Variants in KIF2B observed in about 807,000 individuals in gnomAD.
KIF2B encodes kinesin family member 2B.
Under a neutral mutation model 6.8 loss-of-function variants are expected in KIF2B, and 5 were observed. That is an observed-to-expected ratio of 0.74 (90% confidence interval 0.39 to 1.55). The LOEUF is 1.55. Among genes scored for constraint, KIF2B ranks in the 40% most tolerant of loss-of-function variants. KIF2B has a pLI of 0.03. For synonymous variants in KIF2B, 370 were observed against 330.7 expected, an observed-to-expected ratio of 1.12 and a Z score of -1.29; for missense variants, 908 against 831.3, an observed-to-expected ratio of 1.09 and a Z score of -1.13.
rs771043949 is a variant in KIF2B at position 53,824,219 on chromosome 17, T to A, written c.1186T>A (p.Cys396Ser). 6.2e-7 allele frequency: 1 copy of A among 1,614,122 alleles called. No individual in the cohort carries two copies. The highest frequency in any genetic ancestry group is 8.5e-7 in the Non-Finnish European group (1 of 1,180,014). ...VVGLQEKEVC[C>S]VEEVLNLVEI... ...CGGGCTGCAGGAGAAAGAGGTGTGT[T>A]GTGTGGAGGAAGTGCTGAACCTGGT... The change falls in exon 1 of 1, where the codon TGT becomes AGT. Residue 396 changes from cysteine (C) to serine (S), a missense_variant. Coordinates refer to ENST00000268919, the MANE Select transcript of KIF2B (RefSeq NM_032559.5).
Position 53,824,815 on chromosome 17 carries a change from G to C in KIF2B, c.1782G>C (p.Glu594Asp), listed in dbSNP as rs371789360. ...IPYVQSEEQKEIEEVETLPTL... is the reference protein window; with the variant it reads ...IPYVQSEEQKDIEEVETLPTL... ...ATGTACAGAGTGAGGAGCAGAAAGA[G>C]ATTGAAGAGGTTGAAACATTACCCA... The change falls in exon 1 of 1, where the codon GAG (glutamate) becomes GAC (aspartate). Residue 594 changes from glutamate (E) to aspartate (D), a missense_variant. Glu to Asp is a conservative substitution (Grantham distance 45, BLOSUM62 2). Transcript: ENST00000268919. 156 of 1,613,838 alleles carry C rather than the reference G, an allele frequency of 9.7e-5. No individual in the cohort carries two copies. The highest frequency in any genetic ancestry group is 1.2e-4 in the Non-Finnish European group (144 of 1,179,928).
rs751318038 is a variant in KIF2B at position 53,824,648 on chromosome 17, A to G, written c.1615A>G (p.Arg539Gly). The G allele has an allele frequency of 1.2e-6, 2 of 1,614,198 alleles. No homozygotes were observed. Among genetic ancestry groups the G allele is most frequent in the South Asian group, 2.2e-5 (2 of 91,090 alleles). ...NTLNTLRYAN[R>G]VKKLNVDVRP... ...TCTCAACACTTTAAGATATGCAAAC[A>G]GAGTAAAAAAATTAAATGTAGATGT... Residue 539 changes from arginine (R) to glycine (G), a missense_variant, in exon 1 of 1, where the codon AGA becomes GGA. By Grantham distance (125) the Arg-to-Gly change is moderately radical (BLOSUM62 -2). Transcript: ENST00000268919.
Position 53,824,477 on chromosome 17 carries a change from A to G in KIF2B, c.1444A>G (p.Ile482Val). The G allele has an allele frequency of 6.2e-7, 1 of 1,614,140 alleles. No homozygotes were observed. The highest frequency in any genetic ancestry group is 8.5e-7 in the Non-Finnish European group (1 of 1,180,030). ...GAGTCTTCTAGCCCTCAAAGAATGT[A>G]TTCTGGCTTTGGGTCAGAACAAGCC... ...NKSLLALKEC[I>V]LALGQNKPHT... The change falls in exon 1 of 1, where the codon ATT becomes GTT. Residue 482 changes from isoleucine to valine, a missense_variant. Transcript: ENST00000268919.
In KIF2B at chr17:53,823,896, T is replaced by G. The variant is rs1312228305; in HGVS notation, c.863T>G (p.Val288Gly). 5.0e-6 allele frequency: 8 copies of G among 1,614,100 alleles called. No homozygotes were observed. Among genetic ancestry groups the G allele is most frequent in the Middle Eastern group, 1.6e-4 (1 of 6,084 alleles). The change falls in exon 1 of 1, where the codon GTG becomes GGG. Residue 288 changes from valine (V) to glycine (G), a missense_variant. Coordinates refer to ENST00000268919, the MANE Select transcript of KIF2B (RefSeq NM_032559.5). ...LVYQFTAQPL[V>G]ESIFRKGMAT... ...TACCAGTTCACCGCCCAGCCACTGG[T>G]GGAGTCCATCTTCCGCAAGGGCATG...
rs1275391820 is a variant in KIF2B, at chr17:53,823,659, C to T, written c.626C>T (p.Pro209Leu). The change falls in exon 1 of 1, where the codon CCG becomes CTG. Residue 209 changes from proline to leucine, a missense_variant. Coordinates refer to ENST00000268919, the MANE Select transcript of KIF2B (RefSeq NM_032559.5). ...AGCAAGATCTCAGTCCTGGAGCCCC[C>T]GCAAGAACATCGCATCTGCGTCTGC... ...DSSKISVLEP[P>L]QEHRICVCVR... 1.2e-6 allele frequency: 2 copies of T among 1,614,010 alleles called. No individual in the cohort carries two copies. The highest frequency in any genetic ancestry group is 1.1e-5 in the South Asian group (1 of 91,082).
rs369648261 is a variant in KIF2B, at chr17:53,823,008, G to A, written c.-26G>A. ...GCTCCAACCCCAAGGGCCCTGGAGCGCTCCCTGATACCTCCATCACTCACC... is the reference window on the plus strand; with the variant it reads ...GCTCCAACCCCAAGGGCCCTGGAGCACTCCCTGATACCTCCATCACTCACC... On this transcript the variant is annotated 5_prime_UTR_variant, in exon 1 of 1. Coordinates refer to ENST00000268919, the MANE Select transcript of KIF2B (RefSeq NM_032559.5). 12 of 1,593,058 alleles carry A rather than the reference G, an allele frequency of 7.5e-6. No homozygotes were observed. Among genetic ancestry groups the A allele is most frequent in the African/African-American group, 1.3e-5 (1 of 74,596 alleles).
rs1906471717 is a variant in KIF2B, at chr17:53,823,673, ATCTGCG to A, written c.648_653del (p.Cys217_Val218del). 6.2e-7 allele frequency: 1 copy of A among 1,614,158 alleles called. No homozygotes were observed. Among genetic ancestry groups the A allele is most frequent in the Non-Finnish European group, 8.5e-7 (1 of 1,180,034 alleles). Reference sequence around the variant, plus strand: ...CCTGGAGCCCCCGCAAGAACATCGCATCTGCGTCTGCGTGAGGAAGCGGCCTCTCAA... The same window carrying A: ...CCTGGAGCCCCCGCAAGAACATCGCATCTGCGTGAGGAAGCGGCCTCTCAA... On this transcript the variant is annotated inframe_deletion, in exon 1 of 1. Transcript: ENST00000268919.
chr17:53,824,000 G>A lies in KIF2B; in HGVS notation c.967G>A (p.Asp323Asn), dbSNP rs1364750447. The change falls in exon 1 of 1, where the codon GAT (aspartate) becomes AAT (asparagine). Residue 323 changes from aspartate to asparagine, a missense_variant. Asp to Asn is a conservative substitution (Grantham distance 23, BLOSUM62 1). Coordinates refer to ENST00000268919, the MANE Select transcript of KIF2B (RefSeq NM_032559.5). ...TGGAGACTTTTCAGGAACGGCCCAA[G>A]ATTGTTCTAAGGGCATTTATGCTCT... ...MGGDFSGTAQ[D>N]CSKGIYALVA... 6.2e-7 allele frequency: 1 copy of A among 1,614,232 alleles called. No individual in the cohort carries two copies. Among genetic ancestry groups the A allele is most frequent in the Non-Finnish European group, 8.5e-7 (1 of 1,180,044 alleles).
chr17:53,824,804 GA>G lies in KIF2B; in HGVS notation c.1772del (p.Glu591GlyfsTer15). 6.2e-7 allele frequency: 1 copy of G among 1,613,980 alleles called. No individual in the cohort carries two copies. The highest frequency in any genetic ancestry group is 8.5e-7 in the Non-Finnish European group (1 of 1,179,938). Reference sequence around the variant, plus strand: ...TAAAATACCTTATGTACAGAGTGAGGAGCAGAAAGAGATTGAAGAGGTTGAA... The same window carrying G: ...TAAAATACCTTATGTACAGAGTGAGGGCAGAAAGAGATTGAAGAGGTTGAA... ...FIKIPYVQSEEQKEIEEVETL... is the reference protein window; with the variant it reads ...FIKIPYVQSEXQKEIEEVETL... On this transcript the variant is annotated frameshift_variant, in exon 1 of 1. Coordinates refer to ENST00000268919, the MANE Select transcript of KIF2B (RefSeq NM_032559.5). LOFTEE classifies it low-confidence loss of function (END_TRUNC).
At position 53,823,061 on chromosome 17, in the gene KIF2B, T is replaced by G; in HGVS notation, c.28T>G (p.Ser10Ala). 6.2e-7 allele frequency: 1 copy of G among 1,613,822 alleles called. No individual in the cohort carries two copies. The highest frequency in any genetic ancestry group is 1.1e-5 in the South Asian group (1 of 91,056). ...GGCCAGCCAGTTCTGCCTCCCTGAA[T>G]CCCCATGTCTCTCGCCCCTGAAACC... The part of the protein sequence containing the change: MASQFCLPE[S>A]PCLSPLKPLK... Residue 10 changes from serine (S) to alanine (A), a missense_variant, in exon 1 of 1, where the codon TCC becomes GCC. Transcript: ENST00000268919.
At position 53,823,838 on chromosome 17, in the gene KIF2B, G is replaced by T. The variant is rs1260071667; in HGVS notation, c.805G>T (p.Ala269Ser). ...LQNQTFCFDHAFDDKASNELV... is the reference protein window; with the variant it reads ...LQNQTFCFDHSFDDKASNELV... ...GAACCAGACCTTCTGCTTCGACCATGCCTTCGATGACAAAGCCTCCAACGA... is the reference window on the plus strand; with the variant it reads ...GAACCAGACCTTCTGCTTCGACCATTCCTTCGATGACAAAGCCTCCAACGA... The change falls in exon 1 of 1, where the codon GCC becomes TCC. Residue 269 changes from alanine (A) to serine (S), a missense_variant. Ala to Ser is a moderately conservative substitution (Grantham distance 99). Coordinates refer to ENST00000268919, the MANE Select transcript of KIF2B (RefSeq NM_032559.5). 1 of 1,614,230 alleles carries T rather than the reference G, an allele frequency of 6.2e-7. No homozygotes were observed. The highest frequency in any genetic ancestry group is 8.5e-7 in the Non-Finnish European group (1 of 1,180,052).
Position 53,823,113 on chromosome 17 carries a change from A to G in KIF2B, c.80A>G (p.Gln27Arg). 1 of 1,614,162 alleles carries G rather than the reference A, an allele frequency of 6.2e-7. No homozygotes were observed. The highest frequency in any genetic ancestry group is 8.5e-7 in the Non-Finnish European group (1 of 1,180,032). The change falls in exon 1 of 1, where the codon CAA (glutamine) becomes CGA (arginine). Residue 27 changes from glutamine (Q) to arginine (R), a missense_variant. Gln to Arg is a conservative substitution (Grantham distance 43). Transcript: ENST00000268919. ...TTGAAGCCACATTTCGGAGACATCC[A>G]AGAGGGCATCTACGTGGCGATCCAG... ...KPLKPHFGDIQEGIYVAIQRS... is the reference protein window; with the variant it reads ...KPLKPHFGDIREGIYVAIQRS...
chr17:53,823,167 TG>T lies in KIF2B; in HGVS notation c.136del (p.Val46SerfsTer13). 1 of 1,614,220 alleles carries T rather than the reference TG, an allele frequency of 6.2e-7. No individual in the cohort carries two copies. The highest frequency in any genetic ancestry group is 1.1e-5 in the South Asian group (1 of 91,092). ...AGTGACAAGCGGATCCACCTCGCTGTGGTCACGGAGATCAACAGAGAAAACT... is the reference window on the plus strand; with the variant it reads ...AGTGACAAGCGGATCCACCTCGCTGTGTCACGGAGATCAACAGAGAAAACT... Reference protein sequence around the residue: ...QRSDKRIHLAVVTEINRENYW... With the variant: ...QRSDKRIHLAXVTEINRENYW... On this transcript the variant is annotated frameshift_variant, in exon 1 of 1. Transcript: ENST00000268919. LOFTEE classifies it low-confidence loss of function (END_TRUNC).
Position 53,823,067 on chromosome 17 carries a change from T to G in KIF2B, c.34T>G (p.Cys12Gly). 6.8e-6 allele frequency: 11 copies of G among 1,614,086 alleles called. No individual in the cohort carries two copies. Among genetic ancestry groups the G allele is most frequent in the South Asian group, 1.1e-5 (1 of 91,080 alleles). ...ASQFCLPESP[C>G]LSPLKPLKPH... ...CCAGTTCTGCCTCCCTGAATCCCCA[T>G]GTCTCTCGCCCCTGAAACCCTTGAA... The change falls in exon 1 of 1, where the codon TGT (cysteine) becomes GGT (glycine). Residue 12 changes from cysteine (C) to glycine (G), a missense_variant. Cys to Gly is a radical substitution (Grantham distance 159, BLOSUM62 -3). Transcript: ENST00000268919.
rs768138818 is a variant in KIF2B, at chr17:53,823,444, C to G, written c.411C>G (p.Ser137Arg). Residue 137 changes from serine (S) to arginine (R), a missense_variant, in exon 1 of 1, where the codon AGC becomes AGG. Physicochemically the swap from Ser to Arg is moderately radical, Grantham distance 110. Coordinates refer to ENST00000268919, the MANE Select transcript of KIF2B (RefSeq NM_032559.5). ...ACAGCCTGGATGTGAGGGTCCCCAG[C>G]AAACCTTGTCTGATGAAGCAGAAAA... ...SGDSLDVRVP[S>R]KPCLMKQKKS... The G allele has an allele frequency of 5.6e-6, 9 of 1,614,044 alleles. No individual in the cohort carries two copies. Among genetic ancestry groups the G allele is most frequent in the Admixed American group, 1.7e-5 (1 of 59,996 alleles).
chr17:53,825,131 A>AAT lies in KIF2B; in HGVS notation c.*77_*78insTA, dbSNP rs2143788514. The AAT allele has an allele frequency of 1.0e-6, 1 of 971,166 alleles. No homozygotes were observed. Among genetic ancestry groups the AAT allele is most frequent in the Non-Finnish European group, 1.5e-6 (1 of 646,308 alleles). The allele number at this position is 971,166 out of a possible 1,614,324, so 60.2% of individuals were successfully genotyped here. ...CCACTCTTATACAGGAAAACTGTCC[A>AAT]AATTATCTAAAGATCCTCCTGAGAA... On this transcript the variant is annotated 3_prime_UTR_variant, in exon 1 of 1. Coordinates refer to ENST00000268919, the MANE Select transcript of KIF2B (RefSeq NM_032559.5).
rs1230980067 is a variant in KIF2B at position 53,824,190 on chromosome 17, T to C, written c.1157T>C (p.Val386Ala). 6.2e-7 allele frequency: 1 copy of C among 1,614,130 alleles called. No homozygotes were observed. The highest frequency in any genetic ancestry group is 8.5e-7 in the Non-Finnish European group (1 of 1,180,022). ...GAGGATGGCAATCAGCAAATCCAAG[T>C]GGTCGGGCTGCAGGAGAAAGAGGTG... ...VLEDGNQQIQ[V>A]VGLQEKEVCC... The change falls in exon 1 of 1, where the codon GTG becomes GCG. Residue 386 changes from valine to alanine, a missense_variant. Coordinates refer to ENST00000268919, the MANE Select transcript of KIF2B (RefSeq NM_032559.5).
Position 53,823,256 on chromosome 17 carries a change from A to T in KIF2B, c.223A>T (p.Thr75Ser). Residue 75 changes from threonine to serine, a missense_variant, in exon 1 of 1, where the codon ACC (threonine) becomes TCC (serine). Physicochemically the swap from Thr to Ser is moderately conservative, Grantham distance 58. Transcript: ENST00000268919. ...VKKGKKIDLETILLLNPALDS... is the reference protein window; with the variant it reads ...VKKGKKIDLESILLLNPALDS... ...AAAAGGCAAGAAGATTGACCTGGAG[A>T]CCATACTCCTGCTGAATCCAGCTCT... The T allele has an allele frequency of 6.2e-7, 1 of 1,614,096 alleles. No homozygotes were observed. Among genetic ancestry groups the T allele is most frequent in the Non-Finnish European group, 8.5e-7 (1 of 1,180,010 alleles).
At position 53,824,343 on chromosome 17, in the gene KIF2B, G is replaced by A. The variant is rs199554010; in HGVS notation, c.1310G>A (p.Arg437Gln). Reference sequence around the variant, plus strand: ...TTCCAGATCATCCTGAAGTCAGGACGGATAATGCATGGCAAGTTTTCCCTC... The same window carrying A: ...TTCCAGATCATCCTGAAGTCAGGACAGATAATGCATGGCAAGTTTTCCCTC... ...AVFQIILKSGRIMHGKFSLVD... is the reference protein window; with the variant it reads ...AVFQIILKSGQIMHGKFSLVD... The change falls in exon 1 of 1, where the codon CGG becomes CAG. Residue 437 changes from arginine to glutamine, a missense_variant. Coordinates refer to ENST00000268919, the MANE Select transcript of KIF2B (RefSeq NM_032559.5). 3.1e-6 allele frequency: 5 copies of A among 1,613,970 alleles called. No homozygotes were observed. Among genetic ancestry groups the A allele is most frequent in the South Asian group, 1.1e-5 (1 of 91,078 alleles).
Sources: allele counts gnomAD v4.1 joint callset, GRCh38; gene constraint gnomAD v4.1.1; transcripts MANE v1.5; gene names NCBI Gene and HGNC (gene_info 2026-07-23, HGNC 2026-07-21).